Variants in AGBL1 observed in about 807,000 individuals in gnomAD.
AGBL1 encodes cytosolic carboxypeptidase 4.
A neutral mutation model predicts 118.9 loss-of-function variants in AGBL1; 130 were observed. The observed-to-expected ratio is 1.09, with a 90% CI of 0.95 to 1.26. AGBL1 has a LOEUF of 1.26. AGBL1 is among the 50% of genes most tolerant of loss of function. The pLI, the probability that AGBL1 is intolerant of heterozygous loss-of-function variation, is 0.00. For synonymous variants in AGBL1, 555 were observed against 478.9 expected (o/e 1.16, Z -2.08); for missense variants, 1,584 against 1,298.1 (o/e 1.22, Z -3.38).
intron 17 of AGBL1, among the ~76,000 whole-genome samples, chr15:86,321,939 G>A (rs1421127980): frequency 2.0e-5 from 3 of 151,764 alleles, no homozygotes; most frequent in East Asian, 3.9e-4. Flanking sequence ...TTTCAAATAT[G>A]TGAAGTTTTT....
chr15:86,813,614 C>G (rs1270253873), intron 22 of AGBL1, among the ~76,000 whole-genome samples: 2 of 152,134 alleles, frequency 1.3e-5, no homozygotes, highest in African/African-American at 4.8e-5. Flanking sequence ...GACAGATCCT[C>G]TGGAGTCCTC....
At chr15:86,360,769 G>A (rs922714924) in intron 17 of AGBL1, among the ~76,000 whole-genome samples, 1 of 151,808 alleles carries the variant, frequency 6.6e-6, no homozygotes, top group Non-Finnish European at 1.5e-5. Flanking sequence ...AGTTTTGGTA[G>A]GTTGTATATT....
chr15:86,535,251 G>T (rs912534222), intron 19 of AGBL1, among the ~76,000 whole-genome samples: 1 of 152,174 alleles, frequency 6.6e-6, no homozygotes. Flanking sequence ...CCAAAGAAGC[G>T]GACAAGCTCT....
chr15:86,568,991 T>C (rs1056208923), intron 21 of AGBL1, among the ~76,000 whole-genome samples: 2 of 152,190 alleles, frequency 1.3e-5, no homozygotes, highest in African/African-American at 4.8e-5. Flanking sequence ...TATGCCAACA[T>C]TTTAATGTTA....
intron 1 of AGBL1, among the ~76,000 whole-genome samples, chr15:86,109,540 C>T (rs1384380299): frequency 6.6e-6 from 1 of 152,174 alleles, no homozygotes; most frequent in Non-Finnish European, 1.5e-5. Context: ...TCAACCTCTT[C>T]TGTAGCATGG....
chr15:86,084,295 T>A (rs185429815), intron 1 of AGBL1, among the ~76,000 whole-genome samples: 3 of 152,344 alleles, frequency 2.0e-5, no homozygotes, highest in Non-Finnish European at 4.4e-5. Context: ...ACCTCATTAC[T>A]TTCACAGCTT....
chr15:86,704,300 A>G (rs2086410252), intron 22 of AGBL1, among the ~76,000 whole-genome samples: 1 of 152,188 alleles, frequency 6.6e-6, no homozygotes, highest in South Asian at 2.1e-4. Context: ...ATCTAATTAA[A>G]CTAAAAACCT....
At chr15:86,904,370 A>G (rs1299482965) in intron 22 of AGBL1, among the ~76,000 whole-genome samples, 1 of 150,788 alleles carries the variant, frequency 6.6e-6, no homozygotes, top group Non-Finnish European at 1.5e-5. Context: ...TTAATATATA[A>G]TATTGAAGGA....
At chr15:86,495,730 T>C (rs1380980339) in intron 18 of AGBL1, among the ~76,000 whole-genome samples, 1 of 152,024 alleles carries the variant, frequency 6.6e-6, no homozygotes, top group African/African-American at 2.4e-5. Context: ...GAGAACATTT[T>C]TAATAAATAT....
At chr15:87,026,685 A>G (rs2081730162) in intron 24 of AGBL1, among the ~76,000 whole-genome samples, 1 of 151,136 alleles carries the variant, frequency 6.6e-6, no homozygotes, top group Non-Finnish European at 1.5e-5. Flanking sequence ...ATACTTGCAC[A>G]CACATGTTTA....
At chr15:86,607,144 G>A (rs1241647213) in intron 21 of AGBL1, among the ~76,000 whole-genome samples, 1 of 152,058 alleles carries the variant, frequency 6.6e-6, no homozygotes, top group Non-Finnish European at 1.5e-5. Context: ...TGGCTTGATA[G>A]CTGACTTGTT....
intron 17 of AGBL1, among the ~76,000 whole-genome samples, chr15:86,326,917 T>G (rs12592820): frequency 0.047 from 7,012 of 150,782 alleles, 295 homozygotes; most frequent in East Asian, 0.22. Context: ...TCCTCGAGTT[T>G]TTTTCTTTTT....
At chr15:86,475,027 G>A (rs1321940868) in intron 18 of AGBL1, among the ~76,000 whole-genome samples, 1 of 151,318 alleles carries the variant, frequency 6.6e-6, no homozygotes, top group Non-Finnish European at 1.5e-5. Context: ...AATGTTAGAA[G>A]GAAAACTAAT....
chr15:87,015,442 C>A (rs1255314268), intron 24 of AGBL1, among the ~76,000 whole-genome samples: 1 of 152,002 alleles, frequency 6.6e-6, no homozygotes, highest in Non-Finnish European at 1.5e-5. Flanking sequence ...TCTGGAAAAC[C>A]CTGACCGAAT....
chr15:86,747,867 C>T (rs2077780810), intron 22 of AGBL1, among the ~76,000 whole-genome samples: 1 of 152,156 alleles, frequency 6.6e-6, no homozygotes, highest in Non-Finnish European at 1.5e-5. Flanking sequence ...TTTTCTTAAT[C>T]CAGTCTATCG....
At chr15:86,402,988 T>C (rs2081469977) in intron 18 of AGBL1, among the ~76,000 whole-genome samples, 1 of 152,176 alleles carries the variant, frequency 6.6e-6, no homozygotes, top group African/African-American at 2.4e-5. Flanking sequence ...GATCCAGCGG[T>C]TTCTTGACAC....
At chr15:86,620,011 C>T (rs56932223) in intron 21 of AGBL1, among the ~76,000 whole-genome samples, 1 of 152,128 alleles carries the variant, frequency 6.6e-6, no homozygotes, top group Non-Finnish European at 1.5e-5. Flanking sequence ...CTAGTGTTAG[C>T]CACATAACTG....
intron 22 of AGBL1, among the ~76,000 whole-genome samples, chr15:86,735,969 A>G (rs1423731587): frequency 2.0e-5 from 3 of 152,136 alleles, no homozygotes; most frequent in Non-Finnish European, 4.4e-5. Context: ...GCAAATATTT[A>G]TGGAGGTGCC....
intron 22 of AGBL1, among the ~76,000 whole-genome samples, chr15:86,892,919 G>T (rs1354762412): frequency 6.6e-6 from 1 of 152,222 alleles, no homozygotes; most frequent in Admixed American, 6.5e-5. Context: ...TACTCAGTGT[G>T]TCTGTAAGTG....
Sources: gnomAD v4.1 joint callset for allele counts (sites outside exome capture counted in the v4.1 genomes callset) on GRCh38, gnomAD v4.1.1 for gene constraint, MANE v1.5 for transcripts, NCBI Gene and HGNC (gene_info 2026-07-23, HGNC 2026-07-21) for gene names.